ZNF638: variants seen among roughly 807,000 people sequenced by gnomAD.
ZNF638 encodes the protein zinc finger protein 638, also known as CTCL tumor antigen se33-1.
In ZNF638, 46 loss-of-function variants were observed where a neutral mutation model predicts 195.6. That is an observed-to-expected ratio of 0.24 (90% CI 0.19 to 0.30). ZNF638 has a LOEUF of 0.30. ZNF638 is among the 10% of genes least tolerant of loss of function. The pLI is 1.00. For synonymous variants in ZNF638, 845 were observed against 772.0 expected (o/e 1.09, Z -1.57); for missense variants, 2,440 against 2,325.3 (o/e 1.05, Z -1.01).
chr2:71,339,799 T>G (rs991741999), intron 1 of ZNF638, among the ~76,000 whole-genome samples: 1 of 152,196 alleles, frequency 6.6e-6, no homozygotes, highest in African/African-American at 2.4e-5. Flanking sequence ...ATTTCTTTGT[T>G]CCAGCTTGGA....
Position 71,349,922 on chromosome 2 carries a change from T to G in ZNF638, c.968T>G (p.Met323Arg). 6.2e-7 allele frequency: 1 copy of G among 1,614,200 alleles called. No individual in the cohort carries two copies. Among genetic ancestry groups the G allele is most frequent in the Middle Eastern group, 1.6e-4 (1 of 6,062 alleles). Residue 323 changes from methionine (M) to arginine (R), a missense_variant, in exon 2 of 28, where the codon ATG (methionine) becomes AGG (arginine). Transcript: ENST00000264447. ...ATTAACCAAACAGTTAGCCAGACAA[T>G]GAGTCAATCTCTGATTCCTCCATCT... ...QSINQTVSQT[M>R]SQSLIPPSMN...
At chr2:71,403,805 C>G in intron 16 of ZNF638, 65 bp from the exon 17 acceptor site, 2 of 1,201,452 alleles carry the variant, frequency 1.7e-6, no homozygotes, top group South Asian at 1.7e-5. Flanking sequence ...TTTATACTTG[C>G]AAGTCTGTTT....
chr2:71,405,469 C>A, intron 17 of ZNF638, 132 bp from the exon 18 acceptor site: 1 of 587,196 alleles, frequency 1.7e-6, no homozygotes, highest in Non-Finnish European at 3.0e-6. Flanking sequence ...GTAAATCTTG[C>A]TGCTTCTTAA....
intron 23 of ZNF638, 130 bp downstream of exon 23, chr2:71,424,845 G>T: frequency 5.9e-6 from 4 of 680,520 alleles, no homozygotes; most frequent in East Asian, 5.8e-5. Context: ...GGAATGAGAT[G>T]TTTTGTTTTT....
At chr2:71,419,648 T>C (rs1336733101) in intron 21 of ZNF638, among the ~76,000 whole-genome samples, 2 of 152,188 alleles carry the variant, frequency 1.3e-5, no homozygotes, top group African/African-American at 4.8e-5. Context: ...TAAGAAATAG[T>C]ACCACCAGCA....
chr2:71,433,561 CT>C (rs888496851), intron 27 of ZNF638: 18 of 290,388 alleles, frequency 6.2e-5, no homozygotes, highest in Middle Eastern at 1.1e-3. Context: ...TTTTGATGCC[CT>C]CTTGTCATGT....
intron 10 of ZNF638, among the ~76,000 whole-genome samples, chr2:71,388,107 A>G (rs560146273): frequency 1.3e-5 from 2 of 152,170 alleles, no homozygotes; most frequent in South Asian, 2.1e-4. Context: ...TTTGTAGGAG[A>G]TTGGTCAGGG....
In ZNF638 at chr2:71,411,474, A is replaced by ATTT. The variant is rs537942317; in HGVS notation, c.3261+3238_3261+3240dup. ...ATTTATTTTTTATTTTTTATTTTTA[A>ATTT]TTTTTTTTTTTTTATTATACTCTAA... On this transcript the variant is annotated intron_variant, in intron 20 of 27. Coordinates refer to ENST00000264447, the MANE Select transcript of ZNF638 (RefSeq NM_014497.5). Among the ~76,000 whole-genome samples the ATTT allele has an allele frequency of 1.9e-3, 237 of 122,604 alleles. 2 individuals are homozygous for ATTT. Among genetic ancestry groups the ATTT allele is most frequent in the African/African-American group, 4.3e-3 (144 of 33,286 alleles). 80.4% of individuals were successfully genotyped at this position (122,604 alleles called of 152,430 possible). A position where few individuals can be genotyped will look rare whatever the true frequency, so the allele number is the denominator to read the frequency against.
At chr2:71,388,815 A>G in intron 10 of ZNF638, 1 of 754,210 alleles carries the variant, frequency 1.3e-6, no homozygotes, top group Non-Finnish European at 2.4e-6. Flanking sequence ...CGCACAACAG[A>G]AACAGTATAT....
chr2:71,343,784 C>T (rs1374049704), intron 1 of ZNF638, among the ~76,000 whole-genome samples: 1 of 152,110 alleles, frequency 6.6e-6, no homozygotes, highest in Admixed American at 6.6e-5. Context: ...CTCCCCTCTC[C>T]CCACCAAAAA....
At position 71,361,440 on chromosome 2, in the gene ZNF638, C is replaced by CT. The variant is rs374700275; in HGVS notation, c.1380-1712dup. Among the ~76,000 whole-genome samples the CT allele has an allele frequency of 5.7e-3, 867 of 152,296 alleles. 7 individuals carry two copies. Among genetic ancestry groups the CT allele is most frequent in the African/African-American group, 0.02 (824 of 41,548 alleles). On this transcript the variant is annotated intron_variant, in intron 3 of 27. Coordinates refer to ENST00000264447, the MANE Select transcript of ZNF638 (RefSeq NM_014497.5). ...TTTCTTAGCCATTAAATGACAGCAC[C>CT]TATAGTGAAACCCAGTTTTGTTTGA...
intron 3 of ZNF638, among the ~76,000 whole-genome samples, chr2:71,360,527 C>G (rs2079091452): frequency 6.6e-6 from 1 of 151,932 alleles, no homozygotes; most frequent in Admixed American, 6.6e-5. Context: ...GCATTACAGT[C>G]TCTTTTAATC....
intron 8 of ZNF638, among the ~76,000 whole-genome samples, chr2:71,371,713 T>C (rs1425672586): frequency 5.6e-5 from 8 of 142,054 alleles, no homozygotes; most frequent in East Asian, 2.1e-4. Context: ...TTTTTTTTTT[T>C]CCTGTAAAGT....
intron 1 of ZNF638, among the ~76,000 whole-genome samples, chr2:71,346,835 C>T (rs780241502): frequency 3.9e-5 from 6 of 152,028 alleles, no homozygotes; most frequent in Non-Finnish European, 7.4e-5. Context: ...GCCTGGCCGA[C>T]ATGACGAAAC....
At chr2:71,352,226 C>A (rs887826195) in intron 2 of ZNF638, among the ~76,000 whole-genome samples, 1 of 151,962 alleles carries the variant, frequency 6.6e-6, no homozygotes, top group Non-Finnish European at 1.5e-5. Flanking sequence ...GCCTGTAATC[C>A]CAGCACTTTG....
chr2:71,393,662 G>A (rs1281033969), intron 10 of ZNF638: 4 of 716,234 alleles, frequency 5.6e-6, no homozygotes, highest in Admixed American at 2.0e-5. Flanking sequence ...TACAACTCAC[G>A]TAGGATCCTT....
rs1209687138 is a variant in ZNF638 at position 71,408,253 on chromosome 2, AT to A, written c.3261+9del. 30 of 1,605,982 alleles carry A rather than the reference AT, an allele frequency of 1.9e-5. No individual in the cohort carries two copies. The highest frequency in any genetic ancestry group is 2.0e-5 in the Non-Finnish European group (24 of 1,177,614). ...CAAAGATAGACTTACCAGAGGTAAG[AT>A]TTATCTTTCTTCAGCTTTTGTGATT... On this transcript the variant is annotated splice_region_variant and intron_variant, in intron 20 of 27. Coordinates refer to ENST00000264447, the MANE Select transcript of ZNF638 (RefSeq NM_014497.5).
chr2:71,355,254 C>A (rs372064861), intron 2 of ZNF638, among the ~76,000 whole-genome samples: 1 of 152,142 alleles, frequency 6.6e-6, no homozygotes, highest in Non-Finnish European at 1.5e-5. Flanking sequence ...CTGCGCCCGG[C>A]GGCATTTTTT....
In ZNF638 at chr2:71,396,199, T is replaced by C. The variant is rs762843328; in HGVS notation, c.2428+8T>C. 1 of 1,609,800 alleles carries C rather than the reference T, an allele frequency of 6.2e-7. No individual in the cohort carries two copies. Among genetic ancestry groups the C allele is most frequent in the East Asian group, 2.2e-5 (1 of 44,802 alleles). On this transcript the variant is annotated splice_region_variant and intron_variant, in intron 11 of 27. Coordinates refer to ENST00000264447, the MANE Select transcript of ZNF638 (RefSeq NM_014497.5). ...AAGTAAACAAATCTACAGGTATGTT[T>C]TTTTAATTAGGATTCTAGACTATTA...
Sources: allele counts gnomAD v4.1 joint callset (sites outside exome capture counted in the v4.1 genomes callset), GRCh38; gene constraint gnomAD v4.1.1; transcripts MANE v1.5; gene names NCBI Gene and HGNC (gene_info 2026-07-23, HGNC 2026-07-21).